The following PARD3B variants were observed in gnomAD, a reference collection of about 807,000 sequenced individuals.
PARD3B encodes par-3 family cell polarity regulator beta, also known as partitioning defective 3 homolog B.
In PARD3B, 103 loss-of-function variants were observed where a neutral mutation model predicts 130.2. The ratio of observed to expected loss-of-function variants is 0.79; its 90% CI spans 0.67 to 0.93. The LOEUF (loss-of-function observed/expected upper bound fraction) is 0.93, where lower values mean the gene tolerates loss of function less well. Among genes scored for constraint, PARD3B ranks in the 40% least tolerant of loss-of-function variants. The pLI is 0.00. For synonymous variants in PARD3B, 583 were observed against 553.2 expected (o/e 1.05, Z -0.76); for missense variants, 1,609 against 1,499.2 (o/e 1.07, Z -1.21).
At chr2:205,076,847 C>G (rs1339610302) in intron 4 of PARD3B, among the ~76,000 whole-genome samples, 3 of 152,144 alleles carry the variant, frequency 2.0e-5, no homozygotes, top group Non-Finnish European at 4.4e-5. Flanking sequence ...TCTAGATAAT[C>G]TGTGTTTCAT....
intron 2 of PARD3B, among the ~76,000 whole-genome samples, chr2:204,921,188 G>T (rs115911453): frequency 6.6e-6 from 1 of 152,034 alleles, no homozygotes; most frequent in African/African-American, 2.4e-5. Flanking sequence ...TAGACCTTCC[G>T]CATTTTTAAT....
intron 3 of PARD3B, among the ~76,000 whole-genome samples, chr2:204,980,374 G>T (rs1366981318): frequency 6.6e-6 from 1 of 152,150 alleles, no homozygotes; most frequent in Non-Finnish European, 1.5e-5. Flanking sequence ...AACTAGTAGT[G>T]CTTAGAGGTA....
At chr2:204,547,312 T>C (rs1175356828) in intron 1 of PARD3B, among the ~76,000 whole-genome samples, 1 of 152,198 alleles carries the variant, frequency 6.6e-6, no homozygotes, top group Non-Finnish European at 1.5e-5. Flanking sequence ...ATGTGCATAT[T>C]GCTTTGGATA....
At chr2:205,031,690 G>A (rs555023989) in intron 3 of PARD3B, among the ~76,000 whole-genome samples, 27 of 152,126 alleles carry the variant, frequency 1.8e-4, no homozygotes, top group South Asian at 6.2e-4. Context: ...AATAAATAGC[G>A]TAATGCAGTA....
intron 18 of PARD3B, among the ~76,000 whole-genome samples, chr2:205,382,034 C>T (rs973871329): frequency 1.3e-5 from 2 of 151,894 alleles, no homozygotes; most frequent in Non-Finnish European, 2.9e-5. Flanking sequence ...TAAAATAGTG[C>T]GTAACGATGG....
intron 2 of PARD3B, among the ~76,000 whole-genome samples, chr2:204,807,433 G>A (rs1445831536): frequency 1.3e-5 from 2 of 152,060 alleles, no homozygotes; most frequent in Non-Finnish European, 2.9e-5. Flanking sequence ...AGAACACTAG[G>A]AGGTTCCTCA....
chr2:205,302,267 C>T (rs541931631), intron 18 of PARD3B, among the ~76,000 whole-genome samples: 1 of 151,806 alleles, frequency 6.6e-6, no homozygotes, highest in African/African-American at 2.4e-5. Context: ...GGAGTTTCGC[C>T]ATGTGGGCCA....
intron 3 of PARD3B, among the ~76,000 whole-genome samples, chr2:205,031,499 C>G (rs755820641): frequency 6.6e-6 from 1 of 152,168 alleles, no homozygotes; most frequent in Non-Finnish European, 1.5e-5. Context: ...TTGACAAGTT[C>G]AAACGCTGCT....
intron 1 of PARD3B, among the ~76,000 whole-genome samples, chr2:204,657,919 C>G (rs988650667): frequency 6.6e-6 from 1 of 152,104 alleles, no homozygotes; most frequent in African/African-American, 2.4e-5. Context: ...TATGTATACA[C>G]ATTTGATCTT....
At position 204,691,898 on chromosome 2, in the gene PARD3B, T is replaced by C. The variant is rs1470669281; in HGVS notation, c.222+5616T>C. ...GAACATTTGGATTAATATATTGTTA[T>C]TATTTGCGAAATGAAAATGCCAGTA... On this transcript the variant is annotated intron_variant, in intron 2 of 22. Coordinates refer to ENST00000406610, the MANE Select transcript of PARD3B (RefSeq NM_001302769.2). Among the ~76,000 whole-genome samples, 8 of 152,284 alleles carry C rather than the reference T, an allele frequency of 5.3e-5. No individual in the cohort carries two copies. In the East Asian group the frequency reaches 1.4e-3, roughly 26 times the overall value.
chr2:204,900,608 C>T (rs1007830693), intron 2 of PARD3B, among the ~76,000 whole-genome samples: 17 of 152,222 alleles, frequency 1.1e-4, no homozygotes, highest in South Asian at 2.1e-4. Flanking sequence ...AAGGTCTCTC[C>T]GGGATTTGTC....
chr2:204,586,346 G>A (rs2032824510), intron 1 of PARD3B, among the ~76,000 whole-genome samples: 1 of 152,148 alleles, frequency 6.6e-6, no homozygotes, highest in African/African-American at 2.4e-5. Context: ...TATTACTGTA[G>A]ATCAGAATCT....
rs556500073 is a variant in PARD3B at position 205,115,469 on chromosome 2, A to C, written c.680+1892A>C. On this transcript the variant is annotated intron_variant, in intron 6 of 22. Coordinates refer to ENST00000406610, the MANE Select transcript of PARD3B (RefSeq NM_001302769.2). Reference sequence around the variant, plus strand: ...TATGAACGTGTAAATCATCAGTCTGATGATTATTTTGGCTAAAACCAAAAA... The same window carrying C: ...TATGAACGTGTAAATCATCAGTCTGCTGATTATTTTGGCTAAAACCAAAAA... Among the ~76,000 whole-genome samples the C allele has an allele frequency of 1.9e-3, 284 of 152,286 alleles. 1 individual carries two copies. Among genetic ancestry groups the C allele is most frequent in the African/African-American group, 6.4e-3 (266 of 41,560 alleles).
chr2:205,208,944 G>T (rs2037471727), intron 15 of PARD3B, among the ~76,000 whole-genome samples: 1 of 131,610 alleles, frequency 7.6e-6, no homozygotes, highest in Non-Finnish European at 1.6e-5. Context: ...AAAGCTGGAG[G>T]CATCACACTA....
chr2:205,493,920 C>G (rs188983163), intron 20 of PARD3B, among the ~76,000 whole-genome samples: 183 of 151,974 alleles, frequency 1.2e-3, no homozygotes, highest in African/African-American at 4.2e-3. Context: ...ACCATACCAG[C>G]TAATTTTTTT....
intron 10 of PARD3B, among the ~76,000 whole-genome samples, chr2:205,131,469 G>C (rs2031991699): frequency 6.6e-6 from 1 of 152,018 alleles, no homozygotes; most frequent in South Asian, 2.1e-4. Context: ...CTTAGTCAAG[G>C]CTCTGCAACA....
At chr2:204,854,898 A>G (rs539266195) in intron 2 of PARD3B, among the ~76,000 whole-genome samples, 1 of 152,284 alleles carries the variant, frequency 6.6e-6, no homozygotes, top group Admixed American at 6.5e-5. Flanking sequence ...GGAAGAAAAG[A>G]AGAGAAAGAA....
At position 204,706,508 on chromosome 2, in the gene PARD3B, G is replaced by A. The variant is rs561386870; in HGVS notation, c.222+20226G>A. Among the ~76,000 whole-genome samples the A allele has an allele frequency of 2.8e-3, 420 of 152,228 alleles. 1 individual carries two copies. The highest frequency in any genetic ancestry group is 9.9e-3 in the African/African-American group (413 of 41,528). On this transcript the variant is annotated intron_variant, in intron 2 of 22. Coordinates refer to ENST00000406610, the MANE Select transcript of PARD3B (RefSeq NM_001302769.2). The stretch of plus-strand genomic sequence containing the variant: ...AGAAGACTCCAGAAAATTGGATGGG[G>A]TGTGGTGACCAGCCTAGGTAGGGGT...
rs2039546241 is a variant in PARD3B at position 205,245,783 on chromosome 2, G to C, written c.2146G>C (p.Asp716His). 1 of 1,601,026 alleles carries C rather than the reference G, an allele frequency of 6.2e-7. No individual in the cohort carries two copies. Among genetic ancestry groups the C allele is most frequent in the African/African-American group, 1.3e-5 (1 of 74,764 alleles). ...KASKSMDLVPDESKVHSLAGQ... is the reference protein window; with the variant it reads ...KASKSMDLVPHESKVHSLAGQ... ...CTTTTATTTCTTCTCCTCAGTGCCA[G>C]ATGAAAGCAAGGTTCACTCATTGGC... is the stretch of plus-strand genomic sequence containing the variant. Residue 716 changes from aspartate (D) to histidine (H), a missense_variant, in exon 16 of 23, where the codon GAT (aspartate) becomes CAT (histidine). Physicochemically the swap from Asp to His is moderately conservative, Grantham distance 81. Coordinates refer to ENST00000406610, the MANE Select transcript of PARD3B (RefSeq NM_001302769.2).
Sources: gnomAD v4.1 joint callset for allele counts (sites outside exome capture counted in the v4.1 genomes callset) on GRCh38, gnomAD v4.1.1 for gene constraint, MANE v1.5 for transcripts, NCBI Gene and HGNC (gene_info 2026-07-23, HGNC 2026-07-21) for gene names.